Variants in GJA8 observed in about 807,000 individuals in gnomAD.
The protein encoded by GJA8 is gap junction protein alpha 8.
Under a neutral mutation model 15.3 loss-of-function variants are expected in GJA8, and 13 were observed. The observed-to-expected ratio is 0.85, with a 90% CI of 0.55 to 1.35. GJA8 has a LOEUF of 1.35. Among genes scored for constraint, GJA8 ranks in the 40% most tolerant of loss-of-function variants. The pLI, the probability that GJA8 is intolerant of heterozygous loss-of-function variation, is 0.00. For synonymous variants in GJA8, 304 were observed against 238.7 expected (o/e 1.27, Z -2.52); for missense variants, 607 against 553.3 (o/e 1.10, Z -0.97).
chr1:147,909,256 G>C lies in GJA8; in HGVS notation c.1301G>C (p.Ter434SerextTer?). ...SRARSDDLTV* is the reference protein window; with the variant it reads ...SRARSDDLTVS ...GCCAGGTCAGACGATCTAACCGTAT[G>C]AAGTGACGCCAAAGAAAAAAAAAAA... Residue 434 changes from the stop codon to serine, a stop_lost, in exon 2 of 2, where the codon TGA becomes TCA. Transcript: ENST00000369235. 4 of 1,050,684 alleles carry C rather than the reference G, an allele frequency of 3.8e-6. No homozygotes were observed. Among genetic ancestry groups the C allele is most frequent in the Non-Finnish European group, 5.6e-6 (4 of 715,586 alleles). 65.1% of individuals were successfully genotyped at this position (1,050,684 alleles called of 1,614,324 possible).
At chr1:147,906,866 C>T (rs1460863305) in intron 1 of GJA8, among the ~76,000 whole-genome samples, 2 of 152,024 alleles carry the variant, frequency 1.3e-5, no homozygotes, top group East Asian at 3.9e-4. Flanking sequence ...CCTCTCTGAG[C>T]CTCAGATTTC....
At chr1:147,909,322 G>A, downstream of GJA8, 1 of 1,205,100 alleles carries the variant, frequency 8.3e-7, no homozygotes, top group East Asian at 2.4e-5. Flanking sequence ...AGGAACAGGT[G>A]CCAACATGAT....
chr1:147,905,335 C>G (rs1553242157), intron 1 of GJA8, among the ~76,000 whole-genome samples: 1 of 152,136 alleles, frequency 6.6e-6, no homozygotes, highest in Admixed American at 6.5e-5. Context: ...CCTCCAAAAC[C>G]TTTTGATACT....
At chr1:147,913,770 C>T (rs908274584), downstream of GJA8, among the ~76,000 whole-genome samples, 3 of 152,188 alleles carry the variant, frequency 2.0e-5, no homozygotes, top group Non-Finnish European at 4.4e-5. Flanking sequence ...ACCCTCTATG[C>T]ATACTGTGTG....
downstream of GJA8, among the ~76,000 whole-genome samples, chr1:147,912,148 C>G (rs587715562): frequency 6.6e-6 from 1 of 152,302 alleles, no homozygotes; most frequent in East Asian, 1.9e-4. Context: ...GCATTTGCCA[C>G]CTACCTACAT....
chr1:147,912,817 A>G (rs74123748), downstream of GJA8, among the ~76,000 whole-genome samples: 5,577 of 151,960 alleles, frequency 0.037, 127 homozygotes, highest in African/African-American at 0.057. Context: ...TGTGACCAAG[A>G]ATAGATGTAC....
Position 147,908,641 on chromosome 1 carries a change from T to C in GJA8, c.686T>C (p.Leu229Pro), listed in dbSNP as rs1553242788. 1.2e-6 allele frequency: 2 copies of C among 1,614,100 alleles called. No homozygotes were observed. Among genetic ancestry groups the C allele is most frequent in the Non-Finnish European group, 1.7e-6 (2 of 1,180,000 alleles). Residue 229 changes from leucine to proline, a missense_variant, in exon 2 of 2, where the codon CTG (leucine) becomes CCG (proline). Leu to Pro is a moderately conservative substitution (Grantham distance 98). Transcript: ENST00000369235. Reference sequence around the variant, plus strand: ...GTGATGGAGTTGGGCCACCTGGGCCTGAAGGGGATCCGGTCTGCCTTGAAG... The same window carrying C: ...GTGATGGAGTTGGGCCACCTGGGCCCGAAGGGGATCCGGTCTGCCTTGAAG... ...LNVMELGHLG[L>P]KGIRSALKRP...
chr1:147,909,418 A>G (rs1465906247), downstream of GJA8, among the ~76,000 whole-genome samples: 1 of 152,130 alleles, frequency 6.6e-6, no homozygotes, highest in East Asian at 1.9e-4. Flanking sequence ...AACTCTAGGA[A>G]ACAGTCTTTC....
At chr1:147,906,909 G>A (rs1651821145) in intron 1 of GJA8, among the ~76,000 whole-genome samples, 1 of 151,832 alleles carries the variant, frequency 6.6e-6, no homozygotes, top group African/African-American at 2.4e-5. Context: ...CTTTGAGACA[G>A]GGTCTTTCTC....
chr1:147,903,488 T>C (rs1651680310), intron 1 of GJA8, among the ~76,000 whole-genome samples: 1 of 152,144 alleles, frequency 6.6e-6, no homozygotes, highest in Admixed American at 6.5e-5. Context: ...TTTGGATAAC[T>C]TATTAATGGA....
In GJA8 at chr1:147,908,378, C is replaced by T; in HGVS notation, c.423C>T (p.Phe141=). 1 of 1,614,198 alleles carries T rather than the reference C, an allele frequency of 6.2e-7. No homozygotes were observed. Among genetic ancestry groups the T allele is most frequent in the African/African-American group, 1.3e-5 (1 of 75,046 alleles). ...KSSGSKGTKK[F]RLEGTLLRTY... is the part of the protein sequence containing the mutation. Reference sequence around the variant, plus strand: ...GCGGCAGCAAAGGCACTAAGAAGTTCCGGCTGGAGGGGACCCTGCTGAGGA... The same window carrying T: ...GCGGCAGCAAAGGCACTAAGAAGTTTCGGCTGGAGGGGACCCTGCTGAGGA... Residue 141 remains phenylalanine (F), a synonymous_variant, in exon 2 of 2, where the codon TTC becomes TTT. Transcript: ENST00000369235.
chr1:147,906,345 AG>A (rs1553242282), intron 1 of GJA8, among the ~76,000 whole-genome samples: 1 of 152,194 alleles, frequency 6.6e-6, no homozygotes, highest in African/African-American at 2.4e-5. Context: ...CATTCTTTAT[AG>A]GTTACAGGTT....
At chr1:147,905,955 A>T (rs1651781072) in intron 1 of GJA8, among the ~76,000 whole-genome samples, 1 of 152,222 alleles carries the variant, frequency 6.6e-6, no homozygotes, top group South Asian at 2.1e-4. Flanking sequence ...TGAGGCCTCA[A>T]GAGGAGGAGC....
chr1:147,909,198 C>CCCCT lies in GJA8; in HGVS notation c.1244_1247dup (p.Ser417ProfsTer21), dbSNP rs1651985346. ...AGAGCTGACAACAGATGATGCCAGA[C>CCCCT]CCCTGAGCAGGCTAAGCAAAGCCAG... On this transcript the variant is annotated frameshift_variant, in exon 2 of 2. Coordinates refer to ENST00000369235, the MANE Select transcript of GJA8 (RefSeq NM_005267.5). LOFTEE classifies it high-confidence loss of function. 6.2e-7 allele frequency: 1 copy of CCCCT among 1,613,776 alleles called. No individual in the cohort carries two copies. The highest frequency in any genetic ancestry group is 2.2e-5 in the East Asian group (1 of 44,888).
chr1:147,903,653 T>C (rs1553241901), intron 1 of GJA8, among the ~76,000 whole-genome samples: 1 of 152,152 alleles, frequency 6.6e-6, no homozygotes, highest in African/African-American at 2.4e-5. Context: ...TCTTTTTGTC[T>C]GGTAATGGGG....
At position 147,908,855 on chromosome 1, in the gene GJA8, C is replaced by T. The variant is rs782293999; in HGVS notation, c.900C>T (p.Phe300=). The change falls in exon 2 of 2, where the codon TTC becomes TTT. Residue 300 remains phenylalanine, a synonymous_variant. Coordinates refer to ENST00000369235, the MANE Select transcript of GJA8 (RefSeq NM_005267.5). ...TGCCTGCCAAGCCTTTCAATCAGTT[C>T]GAGGAGAAGATCAGCACAGGACCCC... ...SPLPAKPFNQ[F]EEKISTGPLG... is the part of the protein sequence containing the mutation. 9 of 1,614,028 alleles carry T rather than the reference C, an allele frequency of 5.6e-6. No homozygotes were observed. Among genetic ancestry groups the T allele is most frequent in the African/African-American group, 2.7e-5 (2 of 74,902 alleles).
downstream of GJA8, among the ~76,000 whole-genome samples, chr1:147,914,116 C>T (rs1469332447): frequency 1.6e-4 from 24 of 152,002 alleles, no homozygotes; most frequent in Non-Finnish European, 2.9e-4. Flanking sequence ...CTCTGGGAAC[C>T]GAATACCACA....
chr1:147,908,066 T>C lies in GJA8; in HGVS notation c.111T>C (p.Leu37=), dbSNP rs782648568. 6.2e-7 allele frequency: 1 copy of C among 1,614,174 alleles called. No individual in the cohort carries two copies. Among genetic ancestry groups the C allele is most frequent in the Non-Finnish European group, 8.5e-7 (1 of 1,180,014 alleles). ...TTTTCATCTTCCGGATCCTCATCCT[T>C]GGCACGGCCGCAGAGTTCGTGTGGG... ...TVLFIFRILI[L]GTAAEFVWGD... Residue 37 remains leucine, a synonymous_variant, in exon 2 of 2, where the codon CTT becomes CTC. Coordinates refer to ENST00000369235, the MANE Select transcript of GJA8 (RefSeq NM_005267.5).
In GJA8 at chr1:147,908,296, T is replaced by C; in HGVS notation, c.341T>C (p.Leu114Pro). ...CGCAAAAGCCGCGAGGCGGAGGAGC[T>C]GGGCCAGCAGGCGGGGACTAACGGC... is the stretch of plus-strand genomic sequence containing the variant. ...EKRKSREAEE[L>P]GQQAGTNGGP... is the part of the protein sequence containing the mutation. The change falls in exon 2 of 2, where the codon CTG becomes CCG. Residue 114 changes from leucine (L) to proline (P), a missense_variant. Physicochemically the swap from Leu to Pro is moderately conservative, Grantham distance 98. Transcript: ENST00000369235. The C allele has an allele frequency of 6.2e-7, 1 of 1,614,152 alleles. No homozygotes were observed. The highest frequency in any genetic ancestry group is 1.1e-5 in the South Asian group (1 of 91,078).
Sources: allele counts gnomAD v4.1 joint callset (sites outside exome capture counted in the v4.1 genomes callset), GRCh38; gene constraint gnomAD v4.1.1; transcripts MANE v1.5; gene names NCBI Gene and HGNC (gene_info 2026-07-23, HGNC 2026-07-21).